The following TMEM187 variants were observed in gnomAD, a reference collection of about 807,000 sequenced individuals.
The protein encoded by TMEM187 is chromosome X open reading frame 12.
Under a neutral mutation model 11.8 loss-of-function variants are expected in TMEM187, and 14 were observed. The ratio of observed to expected loss-of-function variants is 1.18; its 90% CI spans 0.78 to 1.85. TMEM187 has a LOEUF of 1.85. Ranked by LOEUF, TMEM187 falls within the 40% of genes most tolerant of loss-of-function variation. The probability of loss-of-function intolerance (pLI) is 0.00; values close to 1 mark genes in which losing one functional copy is unlikely to be tolerated. For missense variants in TMEM187, 227 were observed against 243.9 expected, an observed-to-expected ratio of 0.93 and a Z score of 0.46; for synonymous variants, 112 against 118.5, an observed-to-expected ratio of 0.95 and a Z score of 0.36.
intron 1 of TMEM187, among the ~76,000 whole-genome samples, chrX:153,979,107 G>A (rs1163658760): frequency 1.8e-5 from 2 of 111,558 alleles, no homozygotes; most frequent in African/African-American, 6.5e-5. Context: ...TGTATTTTTG[G>A]TAGAGACGGG....
rs781824383 is a variant in TMEM187 at position 153,982,912 on chromosome X, G to A, written c.*64G>A. 4.1e-6 allele frequency: 5 copies of A among 1,205,406 alleles called. No individual in the cohort carries two copies. In the South Asian group the frequency reaches 7.1e-5, roughly 17 times the overall value. On this transcript the variant is annotated 3_prime_UTR_variant, in exon 2 of 2. Coordinates refer to ENST00000369982, the MANE Select transcript of TMEM187 (RefSeq NM_003492.3). ...CATTGAAATGGACTCTGAGATGGCA[G>A]CGTGGTGCCAGTGTCAGACATCCTG... is the stretch of plus-strand genomic sequence containing the variant.
chrX:153,973,556 G>C (rs1415271815), intron 1 of TMEM187, among the ~76,000 whole-genome samples: 1 of 111,982 alleles, frequency 8.9e-6, no homozygotes, highest in Non-Finnish European at 1.9e-5. Context: ...GGTGGCACAC[G>C]CCTGTGGTCC....
rs782325544 is a variant in TMEM187 at position 153,982,512 on chromosome X, G to A, written c.450G>A (p.Leu150=). The A allele has an allele frequency of 8.3e-7, 1 of 1,205,010 alleles. No individual in the cohort carries two copies. Among genetic ancestry groups the A allele is most frequent in the South Asian group, 1.8e-5 (1 of 56,566 alleles). The change falls in exon 2 of 2, where the codon CTG becomes CTA. Residue 150 remains leucine (L), a synonymous_variant. Coordinates refer to ENST00000369982, the MANE Select transcript of TMEM187 (RefSeq NM_003492.3). ...WLFLSLECVS[L]ASYGLALLHP... ...TCCTCTCTCTTGAGTGCGTCTCCCT[G>A]GCCAGTTATGGCCTCGCTCTGCTGC...
intron 1 of TMEM187, among the ~76,000 whole-genome samples, chrX:153,976,387 C>T (rs2065577745): frequency 9.0e-6 from 1 of 110,822 alleles, no homozygotes; most frequent in Non-Finnish European, 1.9e-5. Flanking sequence ...AAGAATTAGC[C>T]AGGTGTGGTG....
chrX:153,977,611 C>CA (rs1557121615), intron 1 of TMEM187, among the ~76,000 whole-genome samples: 1 of 106,485 alleles, frequency 9.4e-6, no homozygotes, highest in African/African-American at 3.5e-5. Context: ...GACTCTGTCC[C>CA]AAAAAATAAA....
Position 153,980,108 on chromosome X carries a change from C to T in TMEM187, c.-213-1742C>T, listed in dbSNP as rs185963216. On this transcript the variant is annotated intron_variant, in intron 1 of 1. Coordinates refer to ENST00000369982, the MANE Select transcript of TMEM187 (RefSeq NM_003492.3). ...TAGGGAGGCTGAGGTAGGAGAATGG[C>T]GTGAACCCGGGAGATGGAGCTTGCA... 4.3e-4 allele frequency among the ~76,000 whole-genome samples: 45 copies of T among 105,740 alleles called. No individual in the cohort carries two copies. The East Asian group carries it at 6.7e-3, about 16-fold the overall frequency. 91.8% of individuals were successfully genotyped at this position (105,740 alleles called of 115,157 possible).
chrX:153,976,347 A>G (rs1285052604), intron 1 of TMEM187, among the ~76,000 whole-genome samples: 1 of 111,545 alleles, frequency 9.0e-6, no homozygotes, highest in Non-Finnish European at 1.9e-5. Context: ...CCTGGCCAAC[A>G]TGGCGAAACC....
chrX:153,975,324 G>GTATT (rs1363385146), intron 1 of TMEM187, among the ~76,000 whole-genome samples: 6 of 110,168 alleles, frequency 5.4e-5, no homozygotes, highest in African/African-American at 1.3e-4. Flanking sequence ...TTTATTATTT[G>GTATT]TATTTATTTA....
chrX:153,975,694 G>A (rs2065575258), intron 1 of TMEM187, among the ~76,000 whole-genome samples: 1 of 92,518 alleles, frequency 1.1e-5, no homozygotes, highest in African/African-American at 4.2e-5. Flanking sequence ...CCCCAGGCTG[G>A]AGTGCAGTGG....
chrX:153,981,703 CT>C (rs1389793155), intron 1 of TMEM187, 146 bp from the exon 2 acceptor site: 3 of 334,550 alleles, frequency 9.0e-6, no homozygotes, highest in Non-Finnish European at 1.6e-5. Flanking sequence ...ATTCTAGAGG[CT>C]TGAGAGAGTC....
At chrX:153,977,427 C>T (rs953404047) in intron 1 of TMEM187, among the ~76,000 whole-genome samples, 22 of 110,087 alleles carry the variant, frequency 2.0e-4, no homozygotes, top group African/African-American at 7.3e-4. Context: ...CCACCCCAGC[C>T]GATATGGCAA....
chrX:153,972,931 C>T (rs1557120876), intron 1 of TMEM187, 71 bp downstream of exon 1: 3 of 112,067 alleles, frequency 2.7e-5, no homozygotes, highest in Non-Finnish European at 3.5e-5. Flanking sequence ...TCTAGGAGGC[C>T]GCCCGGGCGC....
intron 1 of TMEM187, among the ~76,000 whole-genome samples, chrX:153,974,226 C>G (rs2065568929): frequency 9.0e-6 from 1 of 111,375 alleles, no homozygotes; most frequent in African/African-American, 3.3e-5. Context: ...TGGAGTTCTT[C>G]CTCGATCAAG....
chrX:153,982,222 A>T lies in TMEM187; in HGVS notation c.160A>T (p.Met54Leu), dbSNP rs782595063. ...PVAGLPAFLA[M>L]PFNSLVNMAY... ...GGCCGGCCTCCCTGCCTTCCTGGCC[A>T]TGCCGTTCAACTCACTCGTGAACAT... is the stretch of plus-strand genomic sequence containing the variant. Residue 54 changes from methionine (M) to leucine (L), a missense_variant, in exon 2 of 2, where the codon ATG becomes TTG. Coordinates refer to ENST00000369982, the MANE Select transcript of TMEM187 (RefSeq NM_003492.3). 8.2e-7 allele frequency: 1 copy of T among 1,212,250 alleles called. No homozygotes were observed. Among genetic ancestry groups the T allele is most frequent in the Non-Finnish European group, 1.1e-6 (1 of 895,602 alleles).
In TMEM187 at chrX:153,981,990, G is replaced by A; in HGVS notation, c.-73G>A. 9 of 1,208,871 alleles carry A rather than the reference G, an allele frequency of 7.4e-6. No homozygotes were observed. Among genetic ancestry groups the A allele is most frequent in the South Asian group, 1.8e-5 (1 of 56,735 alleles). ...TGCTGGCTCAGCCGGGAGGCCCAGA[G>A]TGTTCTGCAGAGGCTGCGTATTGAA... On this transcript the variant is annotated 5_prime_UTR_variant, in exon 2 of 2. The change creates a new upstream start codon in the 5' untranslated region. Transcript: ENST00000369982.
At chrX:153,973,933 C>T (rs957811197) in intron 1 of TMEM187, among the ~76,000 whole-genome samples, 30 of 111,618 alleles carry the variant, frequency 2.7e-4, no homozygotes, top group African/African-American at 8.5e-4. Flanking sequence ...TCAGGCTTCC[C>T]AGGGCTTCCC....
At chrX:153,977,737 C>T (rs1390732792) in intron 1 of TMEM187, among the ~76,000 whole-genome samples, 1 of 106,295 alleles carries the variant, frequency 9.4e-6, no homozygotes. Flanking sequence ...ATGGTGAAAC[C>T]CTGTCTCTAC....
intron 1 of TMEM187, among the ~76,000 whole-genome samples, chrX:153,980,116 C>T (rs372283462): frequency 3.3e-4 from 35 of 105,681 alleles, no homozygotes; most frequent in African/African-American, 1.0e-3. Flanking sequence ...GGCGTGAACC[C>T]GGGAGATGGA....
At chrX:153,975,576 C>A (rs60817023) in intron 1 of TMEM187, among the ~76,000 whole-genome samples, 1 of 105,730 alleles carries the variant, frequency 9.5e-6, no homozygotes, top group Non-Finnish European at 1.9e-5. Context: ...GTGATCTGCC[C>A]GCCTCAGCCT....
Sources: allele counts gnomAD v4.1 joint callset (sites outside exome capture counted in the v4.1 genomes callset), GRCh38; gene constraint gnomAD v4.1.1; transcripts MANE v1.5; gene names NCBI Gene and HGNC (gene_info 2026-07-23, HGNC 2026-07-21).